The following CNTNAP2 variants were observed in gnomAD, a reference collection of about 807,000 sequenced individuals.
The protein encoded by CNTNAP2 is contactin associated protein 2.
In CNTNAP2, 98 loss-of-function variants were observed where a neutral mutation model predicts 155.2. The observed-to-expected ratio is 0.63, with a 90% CI of 0.54 to 0.75. The LOEUF (loss-of-function observed/expected upper bound fraction) is 0.75, where lower values mean the gene tolerates loss of function less well. Among genes scored for constraint, CNTNAP2 ranks in the 30% least tolerant of loss-of-function variants. CNTNAP2 has a pLI of 0.00. For missense variants in CNTNAP2, 1,727 were observed against 1,688.1 expected (o/e 1.02, Z -0.40); for synonymous variants, 651 against 631.2 (o/e 1.03, Z -0.47).
chr7:147,211,177 G>C (rs768245716), intron 8 of CNTNAP2, among the ~76,000 whole-genome samples: 2 of 151,918 alleles, frequency 1.3e-5, no homozygotes, highest in Admixed American at 6.6e-5. Flanking sequence ...TTTAAGTCTA[G>C]AATTTCTTAG....
chr7:146,123,720 G>T (rs2116722779), intron 1 of CNTNAP2, among the ~76,000 whole-genome samples: 1 of 152,198 alleles, frequency 6.6e-6, no homozygotes, highest in Non-Finnish European at 1.5e-5. Context: ...GGCACAGTTT[G>T]TATTGTTAAA....
chr7:148,116,137 TAA>T (rs772557174), intron 15 of CNTNAP2, among the ~76,000 whole-genome samples: 19 of 128,118 alleles, frequency 1.5e-4, no homozygotes, highest in Admixed American at 1.6e-4. Flanking sequence ...AGACTCTGTC[TAA>T]AAAAAAAAAA....
rs573526069 is a variant in CNTNAP2, at chr7:147,279,432, G to A, written c.1349-20709G>A. 3.5e-4 allele frequency among the ~76,000 whole-genome samples: 53 copies of A among 151,792 alleles called. No individual in the cohort carries two copies. The Middle Eastern group carries it at 0.01, about 30-fold the overall frequency. On this transcript the variant is annotated intron_variant, in intron 8 of 23. Coordinates refer to ENST00000361727, the MANE Select transcript of CNTNAP2 (RefSeq NM_014141.6). The stretch of plus-strand genomic sequence containing the variant: ...TGAACTTAGGCGATGGGTCCCCATA[G>A]TTTTATTGTCAGTACTCTTCATGTT...
At chr7:148,269,689 C>T (rs1327267499) in intron 21 of CNTNAP2, among the ~76,000 whole-genome samples, 1 of 152,200 alleles carries the variant, frequency 6.6e-6, no homozygotes, top group African/African-American at 2.4e-5. Context: ...CATGGTGAAG[C>T]TCCAGAAGAG....
intron 10 of CNTNAP2, among the ~76,000 whole-genome samples, chr7:147,403,207 C>T (rs777991831): frequency 2.4e-4 from 37 of 152,266 alleles, no homozygotes; most frequent in Non-Finnish European, 4.7e-4. Flanking sequence ...AATTGCCAAT[C>T]GGAAAATATT....
rs150601082 is a variant in CNTNAP2, at chr7:147,233,264, G to T, written c.1349-66877G>T. Among the ~76,000 whole-genome samples the T allele has an allele frequency of 2.6e-5, 4 of 152,230 alleles. No individual in the cohort carries two copies. In the East Asian group the frequency reaches 7.7e-4, roughly 29 times the overall value. ...CCCTATTTCTTCCATAAGTTAGGCT[G>T]CCTGGGTCCATGACACGGCTTGATG... On this transcript the variant is annotated intron_variant, in intron 8 of 23. Transcript: ENST00000361727.
intron 18 of CNTNAP2, among the ~76,000 whole-genome samples, chr7:148,180,967 C>T (rs1178514710): frequency 6.6e-6 from 1 of 152,108 alleles, no homozygotes; most frequent in East Asian, 1.9e-4. Flanking sequence ...CTGCAGAGAA[C>T]AAAAACAGAG....
intron 1 of CNTNAP2, among the ~76,000 whole-genome samples, chr7:146,642,874 C>T (rs1293901604): frequency 2.6e-5 from 4 of 151,886 alleles, no homozygotes; most frequent in African/African-American, 7.3e-5. Flanking sequence ...GATGGTATCT[C>T]GTTGTGGTTT....
At chr7:148,247,506 GA>G (rs1796283345) in intron 20 of CNTNAP2, among the ~76,000 whole-genome samples, 1 of 151,698 alleles carries the variant, frequency 6.6e-6, no homozygotes, top group Non-Finnish European at 1.5e-5. Context: ...TTTCTCCTGA[GA>G]CCACTTTCCC....
At chr7:147,312,996 A>G (rs1042016076) in intron 9 of CNTNAP2, among the ~76,000 whole-genome samples, 1 of 139,452 alleles carries the variant, frequency 7.2e-6, no homozygotes, top group Non-Finnish European at 1.5e-5. Flanking sequence ...TTTGATTTGC[A>G]TTTCTCTGAT....
chr7:146,126,624 G>A (rs1441555558), intron 1 of CNTNAP2, among the ~76,000 whole-genome samples: 1 of 152,200 alleles, frequency 6.6e-6, no homozygotes, highest in Non-Finnish European at 1.5e-5. Flanking sequence ...AGGAAATGTT[G>A]AAGTCTGTAT....
At chr7:148,197,991 T>C (rs1261202454) in intron 18 of CNTNAP2, among the ~76,000 whole-genome samples, 1 of 152,246 alleles carries the variant, frequency 6.6e-6, no homozygotes, top group Non-Finnish European at 1.5e-5. Context: ...GTTATTTCCA[T>C]CTGGAGCCAC....
intron 1 of CNTNAP2, among the ~76,000 whole-genome samples, chr7:146,420,548 A>G (rs558100508): frequency 6.6e-6 from 1 of 152,166 alleles, no homozygotes; most frequent in Middle Eastern, 3.4e-3. Context: ...TGGGCAATAA[A>G]CTAGGTATGG....
intron 14 of CNTNAP2, among the ~76,000 whole-genome samples, chr7:147,946,080 C>G (rs1256087262): frequency 2.6e-5 from 4 of 151,948 alleles, no homozygotes; most frequent in African/African-American, 9.7e-5. Context: ...GTTGGTCAGG[C>G]TGGTCTCCCC....
At chr7:146,558,788 TA>T (rs916162386) in intron 1 of CNTNAP2, among the ~76,000 whole-genome samples, 27 of 152,218 alleles carry the variant, frequency 1.8e-4, no homozygotes, top group Non-Finnish European at 3.8e-4. Flanking sequence ...CCCTGGCAAC[TA>T]CCATTCCACT....
chr7:146,152,591 T>C (rs1255976327), intron 1 of CNTNAP2, among the ~76,000 whole-genome samples: 1 of 152,136 alleles, frequency 6.6e-6, no homozygotes, highest in Non-Finnish European at 1.5e-5. Context: ...CATTCCACCA[T>C]GTATATATAT....
chr7:146,943,326 T>G (rs1487059580), intron 3 of CNTNAP2, among the ~76,000 whole-genome samples: 1 of 152,120 alleles, frequency 6.6e-6, no homozygotes, highest in Non-Finnish European at 1.5e-5. Flanking sequence ...ATCCTGTCTC[T>G]ACTAAAAATA....
intron 9 of CNTNAP2, among the ~76,000 whole-genome samples, chr7:147,315,329 T>C (rs1795205807): frequency 6.6e-6 from 1 of 150,958 alleles, no homozygotes; most frequent in African/African-American, 2.4e-5. Context: ...ATCACCACAA[T>C]CTAATTTTCG....
intron 16 of CNTNAP2, among the ~76,000 whole-genome samples, chr7:148,124,815 G>T (rs531510255): frequency 2.0e-5 from 3 of 152,268 alleles, no homozygotes; most frequent in African/African-American, 7.2e-5. Context: ...TAGGCACAAA[G>T]TATTATGAAC....
Sources: gnomAD v4.1 joint callset for allele counts (sites outside exome capture counted in the v4.1 genomes callset) on GRCh38, gnomAD v4.1.1 for gene constraint, MANE v1.5 for transcripts, NCBI Gene and HGNC (gene_info 2026-07-23, HGNC 2026-07-21) for gene names.